Variants in B3GAT2 observed in about 807,000 individuals in gnomAD.
B3GAT2 encodes the protein beta-1,3-glucuronyltransferase 2, also known as galactosylgalactosylxylosylprotein 3-beta-glucuronosyltransferase 2.
In B3GAT2, 26 loss-of-function variants were observed where a neutral mutation model predicts 27.8. The observed-to-expected ratio is 0.93, with a 90% confidence interval of 0.68 to 1.30. B3GAT2 has a LOEUF of 1.30. Among genes scored for constraint, B3GAT2 ranks in the 50% most tolerant of loss-of-function variants. The pLI, the probability that B3GAT2 is intolerant of heterozygous loss-of-function variation, is 0.00. For missense variants in B3GAT2, 458 were observed against 459.0 expected (o/e 1.00, Z 0.02); for synonymous variants, 218 against 195.1 (o/e 1.12, Z -0.98).
intron 1 of B3GAT2, among the ~76,000 whole-genome samples, chr6:70,903,560 T>G (rs1582369589): frequency 6.6e-6 from 1 of 152,274 alleles, no homozygotes; most frequent in East Asian, 1.9e-4. Flanking sequence ...AATGGACATT[T>G]CATCAAGATA....
Position 70,860,664 on chromosome 6 carries a change from T to C in B3GAT2, c.*999A>G. The C allele has an allele frequency of 9.6e-6, 4 of 418,120 alleles. No homozygotes were observed. Among genetic ancestry groups the C allele is most frequent in the East Asian group, 3.5e-5 (1 of 28,892 alleles). The allele number at this position is 418,120 out of a possible 1,614,324, so 25.9% of individuals were successfully genotyped here. A position where few individuals can be genotyped will look rare whatever the true frequency, so the allele number is the denominator to read the frequency against. ...TGTTTGCATATAAGGGAAGTAGTTA[T>C]CATGTTAGTAATACCTCTAATAGTA... On this transcript the variant is annotated 3_prime_UTR_variant, in exon 4 of 4. Transcript: ENST00000230053.
At chr6:70,900,603 G>A (rs1378770878) in intron 1 of B3GAT2, among the ~76,000 whole-genome samples, 1 of 152,160 alleles carries the variant, frequency 6.6e-6, no homozygotes, top group Non-Finnish European at 1.5e-5. Context: ...CTGGCTGGCA[G>A]CTCCTGTTTC....
intron 2 of B3GAT2, among the ~76,000 whole-genome samples, chr6:70,872,901 G>A (rs1308244495): frequency 6.6e-6 from 1 of 151,834 alleles, no homozygotes; most frequent in Non-Finnish European, 1.5e-5. Context: ...ATTTCTAACA[G>A]TTTAGTTCAG....
intron 1 of B3GAT2, among the ~76,000 whole-genome samples, chr6:70,905,792 T>A (rs552414782): frequency 3.3e-5 from 5 of 152,170 alleles, no homozygotes; most frequent in Non-Finnish European, 7.4e-5. Context: ...CTACTCTACA[T>A]CTCAAAAAAG....
intron 2 of B3GAT2, among the ~76,000 whole-genome samples, chr6:70,884,582 A>C (rs1223991718): frequency 2.0e-5 from 3 of 152,140 alleles, no homozygotes; most frequent in Non-Finnish European, 2.9e-5. Flanking sequence ...ATAACTGCAT[A>C]AGCCAAGGAT....
intron 2 of B3GAT2, among the ~76,000 whole-genome samples, chr6:70,871,178 T>C (rs986829252): frequency 6.6e-6 from 1 of 151,614 alleles, no homozygotes; most frequent in Non-Finnish European, 1.5e-5. Flanking sequence ...GATTTTTGCA[T>C]CTGTATTCAA....
intron 1 of B3GAT2, among the ~76,000 whole-genome samples, chr6:70,952,444 G>T (rs1465337970): frequency 6.6e-6 from 1 of 151,978 alleles, no homozygotes; most frequent in African/African-American, 2.4e-5. Flanking sequence ...AGAAAGCTTT[G>T]AAGGTTTTCT....
chr6:70,892,455 A>G (rs1173990852), intron 2 of B3GAT2, among the ~76,000 whole-genome samples: 1 of 152,232 alleles, frequency 6.6e-6, no homozygotes, highest in Admixed American at 6.5e-5. Flanking sequence ...GGAAATGGGC[A>G]GACATCCCAC....
chr6:70,863,103 C>G (rs1195030047), intron 2 of B3GAT2, among the ~76,000 whole-genome samples: 1 of 152,058 alleles, frequency 6.6e-6, no homozygotes, highest in Admixed American at 6.5e-5. Context: ...GGTCTGAAGC[C>G]CTGGATCTCT....
chr6:70,861,513 C>T lies in B3GAT2; in HGVS notation c.*150G>A. 1.5e-6 allele frequency: 1 copy of T among 659,104 alleles called. No individual in the cohort carries two copies. The allele number at this position is 659,104 out of a possible 1,614,324, so 40.8% of individuals were successfully genotyped here. ...ATTAGCTTATGTTAACTGACAAGCT[C>T]CATTTAAACAGATGTCCATCAGATG... is the stretch of plus-strand genomic sequence containing the variant. On this transcript the variant is annotated 3_prime_UTR_variant, in exon 4 of 4. Coordinates refer to ENST00000230053, the MANE Select transcript of B3GAT2 (RefSeq NM_080742.3).
At chr6:70,861,771 TG>T in intron 3 of B3GAT2, 22 bp from the exon 4 acceptor site, 1 of 1,613,990 alleles carries the variant, frequency 6.2e-7, no homozygotes, top group Non-Finnish European at 8.5e-7. Flanking sequence ...GGAAATAGCT[TG>T]GGTAGCGCAC....
At chr6:70,931,619 T>A (rs562146534) in intron 1 of B3GAT2, among the ~76,000 whole-genome samples, 27 of 152,202 alleles carry the variant, frequency 1.8e-4, no homozygotes, top group Non-Finnish European at 2.4e-4. Flanking sequence ...CAAATGCAGC[T>A]GGGAAAAAAA....
intron 2 of B3GAT2, among the ~76,000 whole-genome samples, chr6:70,865,507 A>G (rs1771835375): frequency 6.6e-6 from 1 of 152,190 alleles, no homozygotes; most frequent in Non-Finnish European, 1.5e-5. Context: ...AGATGATTTA[A>G]AGTATACAGG....
In B3GAT2 at chr6:70,860,974, T is replaced by C. The variant is rs1771696774; in HGVS notation, c.*689A>G. On this transcript the variant is annotated 3_prime_UTR_variant, in exon 4 of 4. Transcript: ENST00000230053. ...CCTCTCTTGTAATTTGGATCTCTTC[T>C]TAATGTACATAGTGCTAACATGAAG... The C allele has an allele frequency of 3.0e-6, 1 of 337,520 alleles. No individual in the cohort carries two copies. Among genetic ancestry groups the C allele is most frequent in the Non-Finnish European group, 5.3e-6 (1 of 187,142 alleles). The allele number at this position is 337,520 out of a possible 1,614,324, so 20.9% of individuals were successfully genotyped here.
chr6:70,883,239 C>T (rs1243135253), intron 2 of B3GAT2, among the ~76,000 whole-genome samples: 1 of 152,128 alleles, frequency 6.6e-6, no homozygotes, highest in Admixed American at 6.5e-5. Flanking sequence ...CCAAAAGAAT[C>T]TAAAGCAGGG....
At position 70,861,440 on chromosome 6, in the gene B3GAT2, C is replaced by T. The variant is rs1771723482; in HGVS notation, c.*223G>A. 2 of 525,306 alleles carry T rather than the reference C, an allele frequency of 3.8e-6. No individual in the cohort carries two copies. Among genetic ancestry groups the T allele is most frequent in the African/African-American group, 1.9e-5 (1 of 52,756 alleles). The allele number at this position is 525,306 out of a possible 1,614,324, so 32.5% of individuals were successfully genotyped here. A position where few individuals can be genotyped will look rare whatever the true frequency, so the allele number is the denominator to read the frequency against. Reference sequence around the variant, plus strand: ...TCCAATTTAGTTGTTGTAGAGAAAACATGCAGAACAAATGAAGACAAAACA... The same window carrying T: ...TCCAATTTAGTTGTTGTAGAGAAAATATGCAGAACAAATGAAGACAAAACA... On this transcript the variant is annotated 3_prime_UTR_variant, in exon 4 of 4. Transcript: ENST00000230053.
At chr6:70,910,873 T>C (rs545726674) in intron 1 of B3GAT2, among the ~76,000 whole-genome samples, 290 of 152,358 alleles carry the variant, frequency 1.9e-3, no homozygotes, top group Middle Eastern at 3.4e-3. Flanking sequence ...CCATTCTGAC[T>C]GGTGTGAGAT....
intron 1 of B3GAT2, among the ~76,000 whole-genome samples, chr6:70,905,912 T>G (rs1464963658): frequency 6.6e-6 from 1 of 152,080 alleles, no homozygotes; most frequent in East Asian, 1.9e-4. Context: ...TGTATGTGTG[T>G]GTGTGTGCAG....
chr6:70,862,093 G>C, intron 2 of B3GAT2, 115 bp from the exon 3 acceptor site: 1 of 973,304 alleles, frequency 1.0e-6, no homozygotes, highest in East Asian at 2.6e-5. Context: ...TGTGTGTCAG[G>C]TCTTGGTTTA....
Sources: gnomAD v4.1 joint callset for allele counts (sites outside exome capture counted in the v4.1 genomes callset) on GRCh38, gnomAD v4.1.1 for gene constraint, MANE v1.5 for transcripts, NCBI Gene and HGNC (gene_info 2026-07-23, HGNC 2026-07-21) for gene names.